GPC5: variants seen among roughly 807,000 people sequenced by gnomAD.
GPC5 encodes the protein glypican-5.
In GPC5, 47 loss-of-function variants were observed where a neutral mutation model predicts 53.9. That is an observed-to-expected ratio of 0.87 (90% CI 0.69 to 1.11). The LOEUF (loss-of-function observed/expected upper bound fraction) is 1.11. Among genes scored for constraint, GPC5 ranks in the 50% most tolerant of loss-of-function variants. The probability of loss-of-function intolerance (pLI) is 0.00; values close to 1 mark genes in which losing one functional copy is unlikely to be tolerated. For synonymous variants in GPC5, 286 were observed against 263.3 expected, an observed-to-expected ratio of 1.09 and a Z score of -0.84; for missense variants, 748 against 713.1, an observed-to-expected ratio of 1.05 and a Z score of -0.56.
chr13:91,821,971 T>C (rs1278674665), intron 5 of GPC5, among the ~76,000 whole-genome samples: 2 of 152,228 alleles, frequency 1.3e-5, no homozygotes, highest in African/African-American at 4.8e-5. Context: ...AAATTAATTA[T>C]CCTTAAAGGA....
chr13:92,678,224 T>A (rs1360977510), intron 7 of GPC5, among the ~76,000 whole-genome samples: 1 of 152,200 alleles, frequency 6.6e-6, no homozygotes, highest in Non-Finnish European at 1.5e-5. Flanking sequence ...GCTTAGATGA[T>A]GAAAGGCAAA....
intron 7 of GPC5, among the ~76,000 whole-genome samples, chr13:92,842,816 G>A (rs1479152701): frequency 1.3e-5 from 2 of 151,920 alleles, no homozygotes; most frequent in Admixed American, 1.3e-4. Context: ...TTTTCAAATT[G>A]CTGAGATAAA....
intron 7 of GPC5, among the ~76,000 whole-genome samples, chr13:92,363,929 C>CT (rs1566557773): frequency 6.6e-6 from 1 of 151,422 alleles, no homozygotes; most frequent in African/African-American, 2.4e-5. Context: ...ACAAGAATGC[C>CT]GAAACAGTGA....
chr13:92,854,863 T>G (rs556033312), intron 7 of GPC5, among the ~76,000 whole-genome samples: 1 of 152,056 alleles, frequency 6.6e-6, no homozygotes, highest in East Asian at 1.9e-4. Context: ...TTATTTGTTT[T>G]GCTGTAGAGA....
chr13:92,621,940 C>CAATAAT (rs898099485), intron 7 of GPC5, among the ~76,000 whole-genome samples: 1 of 151,896 alleles, frequency 6.6e-6, no homozygotes, highest in Non-Finnish European at 1.5e-5. Context: ...ACAAAAACAA[C>CAATAAT]AATAATAATA....
At position 92,724,906 on chromosome 13, in the gene GPC5, AC is replaced by A. The variant is rs1888598856; in HGVS notation, c.1562-141375del. On this transcript the variant is annotated intron_variant, in intron 7 of 7. Transcript: ENST00000377067. ...CACACACACACACACACACACACAC[AC>A]ACACAAGAAAGAAAAAACAAGAGAG... Among the ~76,000 whole-genome samples the A allele has an allele frequency of 1.2e-4, 18 of 150,296 alleles. No individual in the cohort carries two copies. The Admixed American group carries it at 1.2e-3, about 10-fold the overall frequency.
At chr13:91,597,874 T>C (rs2033049411) in intron 2 of GPC5, among the ~76,000 whole-genome samples, 1 of 151,884 alleles carries the variant, frequency 6.6e-6, no homozygotes, top group Admixed American at 6.6e-5. Flanking sequence ...TTCTTAGAGA[T>C]TTTATTTACT....
chr13:91,731,095 G>T (rs1044274025), intron 4 of GPC5, among the ~76,000 whole-genome samples: 3 of 152,202 alleles, frequency 2.0e-5, no homozygotes, highest in Admixed American at 6.5e-5. Context: ...ACAGTGAAGG[G>T]GTCCTTGCCA....
chr13:91,635,315 C>A (rs2034259876), intron 2 of GPC5, among the ~76,000 whole-genome samples: 2 of 151,992 alleles, frequency 1.3e-5, no homozygotes, highest in South Asian at 4.1e-4. Context: ...TTATTCAATT[C>A]ATGTGTAACA....
intron 2 of GPC5, among the ~76,000 whole-genome samples, chr13:91,471,508 A>T (rs922471171): frequency 6.6e-6 from 1 of 152,176 alleles, no homozygotes; most frequent in Admixed American, 6.6e-5. Flanking sequence ...GGACATGTCT[A>T]GAAGTTAGAG....
intron 7 of GPC5, among the ~76,000 whole-genome samples, chr13:92,565,132 A>G (rs1193675997): frequency 2.6e-5 from 4 of 152,090 alleles, no homozygotes; most frequent in African/African-American, 9.6e-5. Flanking sequence ...GTATTTGTCA[A>G]TTAAGCATAA....
At chr13:92,717,728 T>A (rs1888378213) in intron 7 of GPC5, among the ~76,000 whole-genome samples, 1 of 152,220 alleles carries the variant, frequency 6.6e-6, no homozygotes, top group Non-Finnish European at 1.5e-5. Context: ...TTTCTCTTTT[T>A]CCTTCAATTC....
chr13:92,863,432 T>C (rs868444975), intron 7 of GPC5, among the ~76,000 whole-genome samples: 3 of 152,194 alleles, frequency 2.0e-5, no homozygotes, highest in Non-Finnish European at 4.4e-5. Flanking sequence ...TCTGTAGATA[T>C]TATCAAATAA....
intron 7 of GPC5, among the ~76,000 whole-genome samples, chr13:92,323,303 A>T (rs2043227986): frequency 6.7e-6 from 1 of 149,898 alleles, no homozygotes; most frequent in Admixed American, 6.7e-5. Flanking sequence ...ATACATACAT[A>T]TACAACGTAT....
chr13:92,650,557 A>T (rs916251860), intron 7 of GPC5, among the ~76,000 whole-genome samples: 2 of 152,178 alleles, frequency 1.3e-5, no homozygotes, highest in African/African-American at 4.8e-5. Context: ...TGATGGAAAC[A>T]CAGTGCATAT....
At chr13:91,768,469 G>A (rs1294909063) in intron 5 of GPC5, among the ~76,000 whole-genome samples, 1 of 152,134 alleles carries the variant, frequency 6.6e-6, no homozygotes, top group African/African-American at 2.4e-5. Context: ...AACTCTGAAA[G>A]TAGATTGTCT....
chr13:91,463,589 C>T (rs1435009814), intron 2 of GPC5, among the ~76,000 whole-genome samples: 3 of 151,982 alleles, frequency 2.0e-5, no homozygotes, highest in Non-Finnish European at 2.9e-5. Flanking sequence ...GTGGTATTGA[C>T]GAAGGGATAG....
intron 7 of GPC5, among the ~76,000 whole-genome samples, chr13:92,292,840 GTA>G (rs1404049770): frequency 6.6e-6 from 1 of 152,038 alleles, no homozygotes; most frequent in Admixed American, 6.6e-5. Flanking sequence ...GTTGATTTTT[GTA>G]TGAGTTGAGA....
chr13:92,006,848 G>A (rs982249363), intron 6 of GPC5, among the ~76,000 whole-genome samples: 2 of 152,064 alleles, frequency 1.3e-5, no homozygotes, highest in African/African-American at 2.4e-5. Flanking sequence ...GAGAATGATC[G>A]AGTTGGCTGA....
Sources: allele counts gnomAD v4.1 joint callset (sites outside exome capture counted in the v4.1 genomes callset), GRCh38; gene constraint gnomAD v4.1.1; transcripts MANE v1.5; gene names NCBI Gene and HGNC (gene_info 2026-07-23, HGNC 2026-07-21).